The following STK31 variants were observed in gnomAD, a reference collection of about 807,000 sequenced individuals.
STK31 encodes serine/threonine-protein kinase 31.
A neutral mutation model predicts 129.7 loss-of-function variants in STK31; 89 were observed. The observed-to-expected ratio is 0.69, with a 90% CI of 0.58 to 0.82. The LOEUF (loss-of-function observed/expected upper bound fraction) is 0.82, where lower values mean the gene tolerates loss of function less well. Among genes scored for constraint, STK31 ranks in the 40% least tolerant of loss-of-function variants. The probability of loss-of-function intolerance (pLI) is 0.00; values close to 1 mark genes in which losing one functional copy is unlikely to be tolerated. For synonymous variants in STK31, 448 were observed against 395.3 expected, an observed-to-expected ratio of 1.13 and a Z score of -1.58; for missense variants, 1,187 against 1,176.4, an observed-to-expected ratio of 1.01 and a Z score of -0.13.
chr7:23,797,961 G>T (rs2193830), intron 22 of STK31, among the ~76,000 whole-genome samples: 1 of 151,580 alleles, frequency 6.6e-6, no homozygotes, highest in African/African-American at 2.4e-5. Context: ...GTCACAGAAT[G>T]CAATAAACAC....
intron 14 of STK31, chr7:23,771,469 T>A (rs1386334922): frequency 6.2e-6 from 1 of 160,564 alleles, no homozygotes; most frequent in Non-Finnish European, 1.3e-5. Context: ...TCACTGGATG[T>A]GCATCTGTAT....
At chr7:23,828,411 T>C (rs1441077477) in intron 23 of STK31, among the ~76,000 whole-genome samples, 3 of 152,232 alleles carry the variant, frequency 2.0e-5, no homozygotes, top group Non-Finnish European at 4.4e-5. Flanking sequence ...GGATATAATC[T>C]CCTGGTGTGC....
chr7:23,825,706 G>T (rs1794104104), intron 23 of STK31, among the ~76,000 whole-genome samples: 1 of 152,224 alleles, frequency 6.6e-6, no homozygotes, highest in Admixed American at 6.5e-5. Context: ...GTCAATTTTA[G>T]ATCTTTCCTG....
chr7:23,827,398 A>T (rs1794231602), intron 23 of STK31, among the ~76,000 whole-genome samples: 1 of 151,684 alleles, frequency 6.6e-6, no homozygotes, highest in South Asian at 2.1e-4. Context: ...TCGGTTACTG[A>T]GTCTTGTGCA....
intron 23 of STK31, among the ~76,000 whole-genome samples, chr7:23,821,744 G>C (rs1240131246): frequency 6.6e-6 from 1 of 152,122 alleles, no homozygotes; most frequent in Non-Finnish European, 1.5e-5. Context: ...ATGTCATGAA[G>C]TGTTTCCCTT....
rs139659504 is a variant in STK31, at chr7:23,796,303, A to G, written c.2760+5357A>G. Among the ~76,000 whole-genome samples the G allele has an allele frequency of 3.1e-4, 47 of 152,184 alleles. No individual in the cohort carries two copies. In the East Asian group the frequency reaches 8.5e-3, roughly 27 times the overall value. ...AAATAAACTAGCATGATTTTCATCA[A>G]TGCTTCAGTAATCTATTCTTTATAT... On this transcript the variant is annotated intron_variant, in intron 22 of 23. Transcript: ENST00000355870.
intron 6 of STK31, among the ~76,000 whole-genome samples, chr7:23,730,502 A>T (rs113141023): frequency 4.1e-4 from 63 of 152,246 alleles, no homozygotes; most frequent in African/African-American, 1.5e-3. Flanking sequence ...GCTTTGACCA[A>T]GGTTGGGGAG....
chr7:23,746,704 T>G (rs1419070142), intron 8 of STK31, among the ~76,000 whole-genome samples: 1 of 152,130 alleles, frequency 6.6e-6, no homozygotes, highest in African/African-American at 2.4e-5. Context: ...TTATTAAGTC[T>G]TAATCCTCAT....
Position 23,813,078 on chromosome 7 carries a change from CTTTTTTTTTT to C in STK31, c.2761-2055_2761-2046del, listed in dbSNP as rs70956924. ...TCACAGGTCCTTGAGGCTCTCTGTT[CTTTTTTTTTT>C]TTTTTTTTTTGTCTGTTTTCTCTCT... is the stretch of plus-strand genomic sequence containing the variant. On this transcript the variant is annotated intron_variant, in intron 22 of 23. Coordinates refer to ENST00000355870, the MANE Select transcript of STK31 (RefSeq NM_031414.5). 2.7e-4 allele frequency among the ~76,000 whole-genome samples: 25 copies of C among 94,110 alleles called. 2 individuals carry two copies. The highest frequency in any genetic ancestry group is 1.0e-3 in the African/African-American group (24 of 23,944). The allele number at this position is 94,110 out of a possible 152,430, so 61.7% of individuals were successfully genotyped here. A position where few individuals can be genotyped will look rare whatever the true frequency, so the allele number is the denominator to read the frequency against.
chr7:23,780,181 G>C (rs138054865), intron 15 of STK31, among the ~76,000 whole-genome samples: 3,945 of 152,118 alleles, frequency 0.026, 61 homozygotes, highest in Middle Eastern at 0.058. Flanking sequence ...TGTCTAACTA[G>C]TCCCAGTGAG....
At chr7:23,735,929 A>G (rs745535552) in intron 7 of STK31, 33 bp downstream of exon 7, 6 of 1,485,870 alleles carry the variant, frequency 4.0e-6, no homozygotes, top group South Asian at 1.3e-5. Flanking sequence ...TTTCTAATTG[A>G]TGGTAGAGGT....
intron 8 of STK31, among the ~76,000 whole-genome samples, chr7:23,745,060 T>A (rs1277674087): frequency 1.3e-5 from 2 of 152,196 alleles, no homozygotes. Flanking sequence ...CCAAGTGGTC[T>A]ACACTGGTGT....
At chr7:23,764,190 A>G (rs764851500) in intron 11 of STK31, among the ~76,000 whole-genome samples, 5 of 152,360 alleles carry the variant, frequency 3.3e-5, no homozygotes, top group Non-Finnish European at 7.3e-5. Flanking sequence ...AAGGGCAGTA[A>G]TATAGTAAGA....
intron 6 of STK31, among the ~76,000 whole-genome samples, chr7:23,732,628 A>C (rs1363420293): frequency 6.6e-6 from 1 of 152,206 alleles, no homozygotes. Context: ...GAATTCAGAG[A>C]GAAATCTAAA....
chr7:23,721,319 A>T (rs1786674029), intron 4 of STK31: 2 of 678,362 alleles, frequency 2.9e-6, no homozygotes, highest in Non-Finnish European at 5.2e-6. Context: ...ATTTGTCTCT[A>T]AAATATGTCA....
chr7:23,767,076 T>TTTATTTA (rs1789874180), intron 11 of STK31, among the ~76,000 whole-genome samples: 1 of 152,208 alleles, frequency 6.6e-6, no homozygotes, highest in Non-Finnish European at 1.5e-5. Context: ...TTGGTTATTT[T>TTTATTTA]TTATTTATAA....
chr7:23,818,365 GT>G (rs1235442792), intron 23 of STK31, among the ~76,000 whole-genome samples: 2 of 152,098 alleles, frequency 1.3e-5, no homozygotes, highest in Non-Finnish European at 2.9e-5. Context: ...TTTACATTCA[GT>G]TTTTACAGGC....
intron 23 of STK31, among the ~76,000 whole-genome samples, chr7:23,823,835 C>T (rs147383250): frequency 0.12 from 18,853 of 152,128 alleles, 1,765 homozygotes; most frequent in African/African-American, 0.26. Context: ...GTGGTCCCAG[C>T]ACCATTTATT....
chr7:23,825,517 T>C (rs1794088918), intron 23 of STK31, among the ~76,000 whole-genome samples: 1 of 152,048 alleles, frequency 6.6e-6, no homozygotes, highest in Admixed American at 6.6e-5. Context: ...TGCTAGCAGT[T>C]TATCAATTTT....
Sources: gnomAD v4.1 joint callset for allele counts (sites outside exome capture counted in the v4.1 genomes callset) on GRCh38, gnomAD v4.1.1 for gene constraint, MANE v1.5 for transcripts, NCBI Gene and HGNC (gene_info 2026-07-23, HGNC 2026-07-21) for gene names.